STK31: variants seen among roughly 807,000 people sequenced by gnomAD.
The protein encoded by STK31 is serine/threonine-protein kinase 31.
Under a neutral mutation model 129.7 loss-of-function variants are expected in STK31, and 89 were observed. The observed-to-expected ratio is 0.69, with a 90% CI of 0.58 to 0.82. The LOEUF (loss-of-function observed/expected upper bound fraction) is 0.82, where lower values mean the gene tolerates loss of function less well. Among genes scored for constraint, STK31 ranks in the 40% least tolerant of loss-of-function variants. The pLI, the probability that STK31 is intolerant of heterozygous loss-of-function variation, is 0.00. For synonymous variants in STK31, 448 were observed against 395.3 expected (o/e 1.13, Z -1.58); for missense variants, 1,187 against 1,176.4 (o/e 1.01, Z -0.13).
At chr7:23,741,256 A>C (rs1163511673) in intron 8 of STK31, among the ~76,000 whole-genome samples, 1 of 152,140 alleles carries the variant, frequency 6.6e-6, no homozygotes, top group African/African-American at 2.4e-5. Flanking sequence ...TCTCCAAGCT[A>C]TAGTTCTTTT....
At chr7:23,804,048 A>G (rs572472453) in intron 22 of STK31, among the ~76,000 whole-genome samples, 1 of 152,156 alleles carries the variant, frequency 6.6e-6, no homozygotes, top group Non-Finnish European at 1.5e-5. Context: ...TTGAATATAA[A>G]GAAGAGAATG....
chr7:23,811,322 G>T (rs1454719049), intron 22 of STK31: 1 of 419,784 alleles, frequency 2.4e-6, no homozygotes, highest in Admixed American at 2.6e-5. Flanking sequence ...TGCCATAAAA[G>T]GTTTTACTCT....
chr7:23,774,982 G>A (rs1458510026), intron 15 of STK31, among the ~76,000 whole-genome samples: 2 of 152,254 alleles, frequency 1.3e-5, no homozygotes, highest in Admixed American at 6.5e-5. Flanking sequence ...TCCAGTTTCA[G>A]CTTTCTACAT....
intron 6 of STK31, among the ~76,000 whole-genome samples, chr7:23,730,872 A>ATTTTTTTTTTTT (rs1455690740): frequency 3.6e-5 from 2 of 56,128 alleles, no homozygotes; most frequent in Admixed American, 3.0e-4. Context: ...ATATATATAT[A>ATTTTTTTTTTTT]TATATATTTT....
intron 4 of STK31, among the ~76,000 whole-genome samples, chr7:23,719,613 G>A (rs1488370351): frequency 1.3e-5 from 2 of 152,048 alleles, no homozygotes; most frequent in Admixed American, 1.3e-4. Context: ...GAAATGAGAT[G>A]GGGCATTTCA....
chr7:23,774,262 A>C (rs1262543498), intron 15 of STK31, among the ~76,000 whole-genome samples: 1 of 152,190 alleles, frequency 6.6e-6, no homozygotes, highest in African/African-American at 2.4e-5. Context: ...GTGTCTTTAT[A>C]GTAGCATGAT....
chr7:23,754,186 TA>T, intron 9 of STK31, 128 bp from the exon 10 acceptor site: 1 of 756,490 alleles, frequency 1.3e-6, no homozygotes, highest in Non-Finnish European at 2.0e-6. Flanking sequence ...TATAAAGTTT[TA>T]AAAGGTACCC....
chr7:23,713,137 G>A (rs1024685457), intron 3 of STK31, among the ~76,000 whole-genome samples: 13 of 152,156 alleles, frequency 8.5e-5, no homozygotes, highest in African/African-American at 3.1e-4. Flanking sequence ...ATCATAGAAT[G>A]TACTTAGAGA....
At chr7:23,828,574 C>T (rs1002407612) in intron 23 of STK31, among the ~76,000 whole-genome samples, 1 of 152,220 alleles carries the variant, frequency 6.6e-6, no homozygotes, top group African/African-American at 2.4e-5. Context: ...TGCTTCAGCT[C>T]ACGCATGGTG....
rs534741441 is a variant in STK31 at position 23,772,228 on chromosome 7, T to C, written c.1915T>C (p.Leu639=). The change falls in exon 15 of 24, where the codon TTA becomes CTA. Residue 639 remains leucine, a synonymous_variant. Transcript: ENST00000355870. The stretch of plus-strand genomic sequence containing the variant: ...ATCCATTAAGAAGACATTGAAAAGC[T>C]TAAAAGCTCTACTCAGATGGAAATT... The part of the protein sequence containing the change: ...LLSIKKTLKS[L]KALLRWKLVE... 6.8e-6 allele frequency: 11 copies of C among 1,609,712 alleles called. No homozygotes were observed. The Admixed American group carries it at 1.9e-4, about 27-fold the overall frequency.
intron 6 of STK31, among the ~76,000 whole-genome samples, chr7:23,733,714 CAGG>C (rs1489386731): frequency 2.6e-5 from 4 of 151,860 alleles, no homozygotes; most frequent in African/African-American, 9.7e-5. Context: ...GAGGCTGAGG[CAGG>C]AGAATGGTGT....
At chr7:23,753,123 G>T (rs772998499) in intron 9 of STK31, among the ~76,000 whole-genome samples, 36 of 152,176 alleles carry the variant, frequency 2.4e-4, no homozygotes, top group Non-Finnish European at 3.5e-4. Flanking sequence ...ACCATATCCA[G>T]TTATTTTGCT....
chr7:23,738,107 C>T (rs943166140), intron 8 of STK31, among the ~76,000 whole-genome samples: 2 of 152,166 alleles, frequency 1.3e-5, no homozygotes, highest in African/African-American at 2.4e-5. Flanking sequence ...ATCTACCCCC[C>T]CACTATAAAT....
chr7:23,732,950 C>T (rs943792220), intron 6 of STK31, among the ~76,000 whole-genome samples: 5 of 152,060 alleles, frequency 3.3e-5, no homozygotes, highest in African/African-American at 1.2e-4. Flanking sequence ...ACATATATTT[C>T]AGTTAGTTAT....
chr7:23,738,580 T>C (rs1482303943), intron 8 of STK31, among the ~76,000 whole-genome samples: 1 of 152,106 alleles, frequency 6.6e-6, no homozygotes, highest in Non-Finnish European at 1.5e-5. Flanking sequence ...TCTTTTTTTT[T>C]TTAAACTCAA....
At chr7:23,725,072 C>T (rs1420849755) in intron 4 of STK31, among the ~76,000 whole-genome samples, 1 of 152,096 alleles carries the variant, frequency 6.6e-6, no homozygotes, top group African/African-American at 2.4e-5. Context: ...GGGCCTTCTC[C>T]CCTTCAGATA....
At position 23,815,210 on chromosome 7, in the gene STK31, C is replaced by G. The variant is rs1016611430; in HGVS notation, c.2827C>G (p.Leu943Val). 6.4e-7 allele frequency: 1 copy of G among 1,560,104 alleles called. No individual in the cohort carries two copies. Among genetic ancestry groups the G allele is most frequent in the Non-Finnish European group, 8.7e-7 (1 of 1,153,312 alleles). Residue 943 changes from leucine to valine, a missense_variant and splice_region_variant, in exon 23 of 24, where the codon CTG becomes GTG. Transcript: ENST00000355870. ...DGIPKVDQFH[L>V]DDKVKSLLCS... Reference sequence around the variant, plus strand: ...AATCCCCAAAGTGGATCAGTTTCATCTGGTATGTGACCTTTTTGACATTTA... The same window carrying G: ...AATCCCCAAAGTGGATCAGTTTCATGTGGTATGTGACCTTTTTGACATTTA...
In STK31 at chr7:23,729,059, C is replaced by T. The variant is rs1299096133; in HGVS notation, c.325-32C>T. The T allele has an allele frequency of 2.6e-6, 4 of 1,528,962 alleles. No homozygotes were observed. The South Asian group carries it at 4.0e-5, about 15-fold the overall frequency. 94.7% of individuals were successfully genotyped at this position (1,528,962 alleles called of 1,614,324 possible). A position where few individuals can be genotyped will look rare whatever the true frequency, so the allele number is the denominator to read the frequency against. ...TCTTTGGAAACATTTAATCTGGGGT[C>T]AGTATTCGTATTTGTCTCTTATTTT... On this transcript the variant is annotated intron_variant, in intron 5 of 23. Coordinates refer to ENST00000355870, the MANE Select transcript of STK31 (RefSeq NM_031414.5).
intron 23 of STK31, among the ~76,000 whole-genome samples, chr7:23,830,754 A>T (rs1348267049): frequency 4.0e-5 from 6 of 151,746 alleles, no homozygotes; most frequent in Non-Finnish European, 8.8e-5. Context: ...TGAGTAGCTG[A>T]GATTATAGGT....
Sources: allele counts gnomAD v4.1 joint callset (sites outside exome capture counted in the v4.1 genomes callset), GRCh38; gene constraint gnomAD v4.1.1; transcripts MANE v1.5; gene names NCBI Gene and HGNC (gene_info 2026-07-23, HGNC 2026-07-21).